The following C10orf90 variants were observed in gnomAD, a reference collection of about 807,000 sequenced individuals.
C10orf90 encodes (E2-independent) E3 ubiquitin-conjugating enzyme FATS.
A neutral mutation model predicts 62.5 loss-of-function variants in C10orf90; 56 were observed. That is an observed-to-expected ratio of 0.90 (90% CI 0.72 to 1.12). C10orf90 has a LOEUF of 1.12. C10orf90 is among the 50% of genes most tolerant of loss of function. The pLI is 0.00. For synonymous variants in C10orf90, 386 were observed against 340.4 expected (o/e 1.13, Z -1.47); for missense variants, 970 against 880.4 (o/e 1.10, Z -1.29).
At chr10:126,582,575 T>C (rs1244745186) in intron 2 of C10orf90, among the ~76,000 whole-genome samples, 1 of 152,146 alleles carries the variant, frequency 6.6e-6, no homozygotes, top group Non-Finnish European at 1.5e-5. Context: ...GTAATGTCTG[T>C]GGTTAAAAGG....
chr10:126,427,023 A>G (rs536145676), intron 8 of C10orf90, among the ~76,000 whole-genome samples: 1 of 152,356 alleles, frequency 6.6e-6, no homozygotes, highest in Admixed American at 6.5e-5. Context: ...CAGTAAGATT[A>G]GGAGACTTGT....
At chr10:126,525,198 C>A in intron 2 of C10orf90, among the ~76,000 whole-genome samples, 1 of 152,110 alleles carries the variant, frequency 6.6e-6, no homozygotes, top group East Asian at 1.9e-4. Flanking sequence ...AACAAGCAAC[C>A]CACCAGGAAG....
chr10:126,622,161 C>G (rs999465449), intron 2 of C10orf90, among the ~76,000 whole-genome samples: 2 of 152,212 alleles, frequency 1.3e-5, no homozygotes, highest in African/African-American at 4.8e-5. Context: ...GACTCCCACC[C>G]TTCACTCCTG....
At chr10:126,552,139 C>T (rs146074573) in intron 2 of C10orf90, among the ~76,000 whole-genome samples, 245 of 152,212 alleles carry the variant, frequency 1.6e-3, no homozygotes, top group African/African-American at 5.7e-3. Context: ...TTAGGGTCAT[C>T]AGTGTAAAAA....
chr10:126,505,076 C>T lies in C10orf90; in HGVS notation c.415G>A (p.Ala139Thr), dbSNP rs769814382. The T allele has an allele frequency of 1.6e-5, 26 of 1,604,416 alleles. No homozygotes were observed. In the East Asian group the frequency reaches 5.6e-4, roughly 35 times the overall value. Reference protein sequence around the residue: ...AKSDFTKETLASQNTKMISSI... With the variant: ...AKSDFTKETLTSQNTKMISSI... ...GAAATCATTTTTGTGTTTTGTGATG[C>T]CAGGGTCTCCTGCAAATAGAAAAAG... The change falls in exon 4 of 10, where the codon GCA becomes ACA. Residue 139 changes from alanine (A) to threonine (T), a missense_variant. Coordinates refer to ENST00000488181, the MANE Select transcript of C10orf90 (RefSeq NM_001350921.2).
intron 2 of C10orf90, among the ~76,000 whole-genome samples, chr10:126,579,698 A>C (rs1444950417): frequency 6.6e-6 from 1 of 152,136 alleles, no homozygotes; most frequent in Non-Finnish European, 1.5e-5. Context: ...CTCTTACTGA[A>C]ATCTACCATC....
At chr10:126,575,265 C>A (rs1388512303) in intron 2 of C10orf90, among the ~76,000 whole-genome samples, 3 of 151,864 alleles carry the variant, frequency 2.0e-5, no homozygotes, top group African/African-American at 7.2e-5. Context: ...AATACTCTAC[C>A]TAGAAACTCT....
At chr10:126,468,521 AC>A (rs1236493308) in intron 4 of C10orf90, among the ~76,000 whole-genome samples, 1 of 152,132 alleles carries the variant, frequency 6.6e-6, no homozygotes, top group Non-Finnish European at 1.5e-5. Flanking sequence ...TGAGTTCTGG[AC>A]ACCAGGGACT....
At chr10:126,644,182 G>A (rs1033466943) in intron 2 of C10orf90, among the ~76,000 whole-genome samples, 5 of 152,184 alleles carry the variant, frequency 3.3e-5, no homozygotes. Context: ...TAGATACTAA[G>A]CTCCTCTTTT....
intron 1 of C10orf90, among the ~76,000 whole-genome samples, chr10:126,659,604 G>A (rs1464997730): frequency 6.6e-6 from 1 of 152,182 alleles, no homozygotes; most frequent in Non-Finnish European, 1.5e-5. Flanking sequence ...TCTAGATGGA[G>A]AAGAGATATA....
At chr10:126,550,702 G>A (rs1051568917) in intron 2 of C10orf90, among the ~76,000 whole-genome samples, 6 of 151,974 alleles carry the variant, frequency 3.9e-5, no homozygotes, top group Non-Finnish European at 8.8e-5. Context: ...TAGAAATGGT[G>A]TTTCACCATG....
chr10:126,517,022 T>TTAAC (rs35285239), intron 2 of C10orf90, among the ~76,000 whole-genome samples: 20,582 of 152,106 alleles, frequency 0.14, 1,464 homozygotes, highest in South Asian at 0.28. Context: ...CTCAAGGTTA[T>TTAAC]TAACTATATC....
At position 126,425,545 on chromosome 10, in the gene C10orf90, T is replaced by C; in HGVS notation, c.*319A>G. ...ACTTGCTTGTATCAGGCCTCTCTGA[T>C]GGGCAGGAAACAGCAGGGGAGAAGA... is the stretch of plus-strand genomic sequence containing the variant. On this transcript the variant is annotated 3_prime_UTR_variant, in exon 10 of 10. Transcript: ENST00000488181. 2.8e-6 allele frequency: 1 copy of C among 360,596 alleles called. No individual in the cohort carries two copies. Among genetic ancestry groups the C allele is most frequent in the Non-Finnish European group, 4.9e-6 (1 of 202,076 alleles). The allele number at this position is 360,596 out of a possible 1,614,324, so 22.3% of individuals were successfully genotyped here.
intron 2 of C10orf90, among the ~76,000 whole-genome samples, chr10:126,573,955 T>C (rs1844560765): frequency 6.6e-6 from 1 of 152,202 alleles, no homozygotes; most frequent in Admixed American, 6.5e-5. Flanking sequence ...GACTTACTTT[T>C]TAGTTTCACA....
rs1336127607 is a variant in C10orf90, at chr10:126,459,091, G to A, written c.2137C>T (p.Leu713Phe). 6.2e-7 allele frequency: 1 copy of A among 1,614,032 alleles called. No individual in the cohort carries two copies. Among genetic ancestry groups the A allele is most frequent in the Non-Finnish European group, 8.5e-7 (1 of 1,180,034 alleles). ...KEDLRQKQSL[L>F]PIRTSKKQFT... ...TGCTTCTTGCTGGTGCGGATGGGAA[G>A]GAGGCTCTGCTTCTGCCTCAGGTCC... The change falls in exon 7 of 10, where the codon CTT becomes TTT. Residue 713 changes from leucine to phenylalanine, a missense_variant. Transcript: ENST00000488181.
At chr10:126,540,615 T>C (rs556972440) in intron 2 of C10orf90, among the ~76,000 whole-genome samples, 13 of 149,556 alleles carry the variant, frequency 8.7e-5, no homozygotes, top group African/African-American at 3.0e-4. Context: ...GCTGAGATCA[T>C]GTCACTACAC....
chr10:126,513,865 T>C lies in C10orf90; in HGVS notation c.388A>G (p.Lys130Glu). ...TATGTTACCTTGGTGAAGTCAGATT[T>C]TGCCTCTGTGACATCAGACTGGAGA... ...KNLQSDVTEA[K>E]SDFTKETLAS... Residue 130 changes from lysine (K) to glutamate (E), a missense_variant, in exon 3 of 10, where the codon AAA (lysine) becomes GAA (glutamate). Transcript: ENST00000488181. The C allele has an allele frequency of 4.3e-6, 7 of 1,610,198 alleles. No individual in the cohort carries two copies. Among genetic ancestry groups the C allele is most frequent in the Non-Finnish European group, 5.9e-6 (7 of 1,176,596 alleles).
chr10:126,557,811 C>T lies in C10orf90; in HGVS notation c.314-43872G>A, dbSNP rs1864810922. The stretch of plus-strand genomic sequence containing the variant: ...CTTCTTTCTGCTCCTTTTTGTTTTT[C>T]ACTTTCCAAATTGCCTCCATGGGGC... On this transcript the variant is annotated intron_variant, in intron 2 of 9. Coordinates refer to ENST00000488181, the MANE Select transcript of C10orf90 (RefSeq NM_001350921.2). Among the ~76,000 whole-genome samples the T allele has an allele frequency of 1.3e-5, 2 of 151,978 alleles. 1 individual carries two copies. Among genetic ancestry groups the T allele is most frequent in the South Asian group, 4.2e-4 (2 of 4,806 alleles).
chr10:126,608,720 T>A (rs1211188972), intron 2 of C10orf90, among the ~76,000 whole-genome samples: 1 of 152,208 alleles, frequency 6.6e-6, no homozygotes, highest in East Asian at 1.9e-4. Flanking sequence ...CACAGAGATG[T>A]GTAGAAATGT....
Sources: gnomAD v4.1 joint callset for allele counts (sites outside exome capture counted in the v4.1 genomes callset) on GRCh38, gnomAD v4.1.1 for gene constraint, MANE v1.5 for transcripts, NCBI Gene and HGNC (gene_info 2026-07-23, HGNC 2026-07-21) for gene names.